CCNB1IP1: variants seen among roughly 807,000 people sequenced by gnomAD.
The protein encoded by CCNB1IP1 is E3 ubiquitin-protein ligase CCNB1IP1.
Under a neutral mutation model 25.6 loss-of-function variants are expected in CCNB1IP1, and 14 were observed. The observed-to-expected ratio is 0.55, with a 90% CI of 0.36 to 0.85. The LOEUF (loss-of-function observed/expected upper bound fraction) is 0.85, where lower values mean the gene tolerates loss of function less well. Among genes scored for constraint, CCNB1IP1 ranks in the 40% least tolerant of loss-of-function variants. CCNB1IP1 has a pLI of 0.01. For synonymous variants in CCNB1IP1, 119 were observed against 116.1 expected, an observed-to-expected ratio of 1.02 and a Z score of -0.16; for missense variants, 278 against 342.4, an observed-to-expected ratio of 0.81 and a Z score of 1.48.
intron 4 of CCNB1IP1, chr14:20,319,172 G>T (rs1490038851): frequency 6.6e-6 from 1 of 152,220 alleles, no homozygotes; most frequent in African/African-American, 2.4e-5. Context: ...CCCCTGAGTA[G>T]TGCCAAACCA....
intron 1 of CCNB1IP1, among the ~76,000 whole-genome samples, chr14:20,331,708 A>G (rs896518532): frequency 4.6e-5 from 7 of 152,036 alleles, no homozygotes; most frequent in Non-Finnish European, 1.0e-4. Flanking sequence ...CTGAAAAAAT[A>G]TATTTTTTAA....
intron 1 of CCNB1IP1, chr14:20,333,018 G>A (rs1337801119): frequency 6.6e-6 from 1 of 152,140 alleles, no homozygotes; most frequent in African/African-American, 2.4e-5. Context: ...ATTGTTCCTG[G>A]GTCACCAGGA....
intron 4 of CCNB1IP1, among the ~76,000 whole-genome samples, chr14:20,317,383 G>A (rs1341241743): frequency 3.3e-5 from 5 of 151,970 alleles, no homozygotes; most frequent in Non-Finnish European, 5.9e-5. Flanking sequence ...TCCAGCCGGC[G>A]ACGGACTCCG....
intron 4 of CCNB1IP1, chr14:20,318,070 C>T (rs1882773920): frequency 6.6e-6 from 1 of 152,258 alleles, no homozygotes; most frequent in Admixed American, 6.5e-5. Context: ...TATTTTTTAT[C>T]CACCTTGGAA....
chr14:20,311,722 G>A lies in CCNB1IP1; in HGVS notation c.662C>T (p.Thr221Ile), dbSNP rs148455256. The A allele has an allele frequency of 3.1e-6, 5 of 1,613,956 alleles. No homozygotes were observed. The East Asian group carries it at 6.7e-5, about 22-fold the overall frequency. Residue 221 changes from threonine (T) to isoleucine (I), a missense_variant, in exon 7 of 7, where the codon ACA becomes ATA. By Grantham distance (89) the Thr-to-Ile change is moderately conservative (BLOSUM62 -1). Coordinates refer to ENST00000358932, the MANE Select transcript of CCNB1IP1 (RefSeq NM_021178.5). Reference protein sequence around the residue: ...GNNSKFPLDNTPVRNRGDGDG... With the variant: ...GNNSKFPLDNIPVRNRGDGDG... ...TCCATCGCCCCGATTTCGAACAGGT[G>A]TATTATCCAAAGGAAACTTGGAGTT... is the stretch of plus-strand genomic sequence containing the variant.
intron 1 of CCNB1IP1, among the ~76,000 whole-genome samples, chr14:20,332,026 A>ATATATATTTTT (rs59034398): frequency 4.9e-5 from 2 of 40,750 alleles, no homozygotes; most frequent in African/African-American, 1.7e-4. Context: ...ATATATATAT[A>ATATATATTTTT]TTTTTTTTTT....
intron 5 of CCNB1IP1, 87 bp downstream of exon 5, chr14:20,316,140 A>T: frequency 8.6e-7 from 1 of 1,166,032 alleles, no homozygotes. Flanking sequence ...ATAAAAAATT[A>T]ATAATAATAC....
chr14:20,319,475 C>T (rs1178807466), intron 4 of CCNB1IP1, among the ~76,000 whole-genome samples: 1 of 152,180 alleles, frequency 6.6e-6, no homozygotes, highest in Non-Finnish European at 1.5e-5. Context: ...TAGTACAACT[C>T]ATTTAAAGTT....
At chr14:20,317,850 C>G (rs7155699) in intron 4 of CCNB1IP1, 1 of 152,212 alleles carries the variant, frequency 6.6e-6, no homozygotes, top group Non-Finnish European at 1.5e-5. Flanking sequence ...GCTCCACAAG[C>G]GAAGATTCCA....
intron 4 of CCNB1IP1, chr14:20,323,099 G>C (rs1269419872): frequency 6.6e-6 from 1 of 152,146 alleles, no homozygotes; most frequent in African/African-American, 2.4e-5. Flanking sequence ...CTATATGCTC[G>C]TGTTTTGAAA....
At chr14:20,314,951 C>T (rs1051765900) in intron 5 of CCNB1IP1, among the ~76,000 whole-genome samples, 3 of 150,386 alleles carry the variant, frequency 2.0e-5, no homozygotes, top group African/African-American at 7.3e-5. Flanking sequence ...ATTAGCCGGG[C>T]GTGGTGGCGG....
rs560440974 is a variant in CCNB1IP1 at position 20,312,715 on chromosome 14, T to C, written c.631+753A>G. On this transcript the variant is annotated intron_variant, in intron 6 of 6. Transcript: ENST00000358932. ...GGAGAGAGCTCAGGAAGATATGAGA[T>C]TCATTCCGTCTGCAAGGCACCTAAC... Among the ~76,000 whole-genome samples, 89 of 151,534 alleles carry C rather than the reference T, an allele frequency of 5.9e-4. 1 individual carries two copies. The South Asian group carries it at 0.018, about 31-fold the overall frequency.
At chr14:20,326,477 G>T (rs778741005) in intron 3 of CCNB1IP1, 1 of 534,678 alleles carries the variant, frequency 1.9e-6, no homozygotes, top group South Asian at 1.4e-5. Context: ...TGTTTAATCA[G>T]GCTGATCAGC....
chr14:20,322,415 A>G (rs897169347), intron 4 of CCNB1IP1, among the ~76,000 whole-genome samples: 1 of 152,144 alleles, frequency 6.6e-6, no homozygotes, highest in African/African-American at 2.4e-5. Flanking sequence ...AAAAGAAGGT[A>G]TCCTGCTTTC....
intron 4 of CCNB1IP1, chr14:20,318,315 A>C (rs963023869): frequency 6.6e-6 from 1 of 152,034 alleles, no homozygotes; most frequent in Non-Finnish European, 1.5e-5. Context: ...CTCTACTAAA[A>C]TACAAAAATT....
Position 20,324,376 on chromosome 14 carries a change from G to A in CCNB1IP1, c.-38+1163C>T, listed in dbSNP as rs377166270. On this transcript the variant is annotated intron_variant, in intron 4 of 6. Coordinates refer to ENST00000358932, the MANE Select transcript of CCNB1IP1 (RefSeq NM_021178.5). Reference sequence around the variant, plus strand: ...TAATTTTTGTATTTTTGGTAGAAACGAGGTTTCACCATGTTAGCCAGGCTG... The same window carrying A: ...TAATTTTTGTATTTTTGGTAGAAACAAGGTTTCACCATGTTAGCCAGGCTG... Among the ~76,000 whole-genome samples, 28 of 152,194 alleles carry A rather than the reference G, an allele frequency of 1.8e-4. No individual in the cohort carries two copies. The East Asian group carries it at 4.3e-3, about 23-fold the overall frequency.
Position 20,326,938 on chromosome 14 carries a change from T to C in CCNB1IP1, c.-230-145A>G, listed in dbSNP as rs149091665. ...ACTCTCCATTCATTAATATAAATTA[T>C]TGACTCATCTATTTGGAGAATGTCA... On this transcript the variant is annotated intron_variant, in intron 2 of 6. Coordinates refer to ENST00000358932, the MANE Select transcript of CCNB1IP1 (RefSeq NM_021178.5). 221 of 174,336 alleles carry C rather than the reference T, an allele frequency of 1.3e-3. 1 individual carries two copies. Among genetic ancestry groups the C allele is most frequent in the African/African-American group, 5.0e-3 (210 of 41,976 alleles). 10.8% of individuals were successfully genotyped at this position (174,336 alleles called of 1,614,324 possible).
rs139888957 is a variant in CCNB1IP1 at position 20,329,798 on chromosome 14, T to C, written c.-430-425A>G. On this transcript the variant is annotated intron_variant, in intron 1 of 6. Coordinates refer to ENST00000358932, the MANE Select transcript of CCNB1IP1 (RefSeq NM_021178.5). ...CATAGCTGCACTAATTAATATTCCC[T>C]AAAATAATAGATTTTGAAATCATAC... 6.6e-4 allele frequency among the ~76,000 whole-genome samples: 100 copies of C among 152,330 alleles called. 1 individual carries two copies. The highest frequency in any genetic ancestry group is 2.1e-4 in the Non-Finnish European group (14 of 68,028).
At chr14:20,331,317 A>G (rs976221094) in intron 1 of CCNB1IP1, among the ~76,000 whole-genome samples, 1 of 152,216 alleles carries the variant, frequency 6.6e-6, no homozygotes, top group African/African-American at 2.4e-5. Flanking sequence ...ACACATGCTC[A>G]TAACAAGATA....
Sources: gnomAD v4.1 joint callset for allele counts (sites outside exome capture counted in the v4.1 genomes callset) on GRCh38, gnomAD v4.1.1 for gene constraint, MANE v1.5 for transcripts, NCBI Gene and HGNC (gene_info 2026-07-23, HGNC 2026-07-21) for gene names.